Variants in ECE1 observed in about 807,000 individuals in gnomAD.
ECE1 encodes the protein endothelin converting enzyme 1.
ECE1 carries 35 observed loss-of-function variants against 98.6 expected under a neutral mutation model. The observed-to-expected ratio is 0.35, with a 90% CI of 0.27 to 0.47. The LOEUF (loss-of-function observed/expected upper bound fraction) is 0.47. Among genes scored for constraint, ECE1 ranks in the 20% least tolerant of loss-of-function variants. ECE1 has a pLI of 1.00. For missense variants in ECE1, 814 were observed against 1,025.3 expected (o/e 0.79, Z 2.81); for synonymous variants, 394 against 407.1 (o/e 0.97, Z 0.39).
At chr1:21,230,278 A>T (rs1221032320) in intron 14 of ECE1, among the ~76,000 whole-genome samples, 1 of 152,164 alleles carries the variant, frequency 6.6e-6, no homozygotes, top group East Asian at 1.9e-4. Flanking sequence ...TCACTTTTCG[A>T]GTTTTGGTGT....
Position 21,322,195 on chromosome 1 carries a change from A to G in ECE1, c.3+23181T>C, listed in dbSNP as rs181810253. On this transcript the variant is annotated intron_variant, in intron 1 of 18. Coordinates refer to the ECE1 transcript ENST00000415912. The surrounding 1 kb of genome is among the most constrained non-coding windows in gnomAD (Gnocchi z 4.1). ...ATGAAGAAACAGGGGCTCAGAAAGA[A>G]GTGGCAAGGCGGCTTCTCAGTGAGA... Among the ~76,000 whole-genome samples the G allele has an allele frequency of 7.9e-5, 12 of 152,302 alleles. No homozygotes were observed. The East Asian group carries it at 2.3e-3, about 29-fold the overall frequency.
At chr1:21,325,721 T>G (rs1569763899) in intron 1 of ECE1, among the ~76,000 whole-genome samples, 1 of 152,234 alleles carries the variant, frequency 6.6e-6, no homozygotes. Context: ...CATTCATTGC[T>G]CAGCACACAG....
At position 21,319,123 on chromosome 1, in the gene ECE1, T is replaced by C. The variant is rs990468728; in HGVS notation, c.3+26253A>G. 1.3e-5 allele frequency among the ~76,000 whole-genome samples: 2 copies of C among 152,234 alleles called. No homozygotes were observed. The highest frequency in any genetic ancestry group is 6.5e-5 in the Admixed American group (1 of 15,286). On this transcript the variant is annotated intron_variant, in intron 1 of 18. Coordinates refer to the ECE1 transcript ENST00000415912. This position sits in a 1 kb window ranked among gnomAD's most constrained non-coding sequence, Gnocchi z 4.4. ...ACTTTGGGAAGCCAAGGTGGGTGGA[T>C]TGCCTGAGCTTAGGAGTTCGAGACC... is the stretch of plus-strand genomic sequence containing the variant.
chr1:21,273,338 CGTGTGTGCGTGTGTGT>C lies in ECE1; in HGVS notation c.281-443_281-428del, dbSNP rs1160627497. On this transcript the variant is annotated intron_variant, in intron 3 of 18. Transcript: ENST00000374893. ...ACCTGCGTGAAAGTGTGTGCCCGTG[CGTGTGTGCGTGTGTGT>C]GTGTGTGTGTGTGTGTGTGTGTGTG... Among the ~76,000 whole-genome samples, 1,103 of 122,334 alleles carry C rather than the reference CGTGTGTGCGTGTGTGT, an allele frequency of 9.0e-3. 9 individuals carry two copies. Among genetic ancestry groups the C allele is most frequent in the Middle Eastern group, 0.03 (7 of 234 alleles). The allele number at this position is 122,334 out of a possible 152,430, so 80.3% of individuals were successfully genotyped here. A position where few individuals can be genotyped will look rare whatever the true frequency, so the allele number is the denominator to read the frequency against.
At chr1:21,261,725 G>A (rs1053019410) in intron 4 of ECE1, among the ~76,000 whole-genome samples, 1 of 152,184 alleles carries the variant, frequency 6.6e-6, no homozygotes, top group Non-Finnish European at 1.5e-5. Context: ...TATGAACAAC[G>A]CACGTGGCTA....
intron 1 of ECE1, chr1:21,299,226 T>G: frequency 4.8e-6 from 1 of 208,752 alleles, no homozygotes. Context: ...AGTGGGTGGG[T>G]GAGGGCTGGG....
In ECE1 at chr1:21,256,070, G is replaced by A. The variant is rs1573973928; in HGVS notation, c.897C>T (p.Ala299=). ...GKLLGGGDEE[A]IRPQMQQILD... is the part of the protein sequence containing the mutation. ...AGATCTGCTGCATCTGGGGCCGGATGGCCTCCTCGTCCCCGCCGCCCAGCA... is the reference window on the plus strand; with the variant it reads ...AGATCTGCTGCATCTGGGGCCGGATAGCCTCCTCGTCCCCGCCGCCCAGCA... The change falls in exon 8 of 19, where the codon GCC becomes GCT. Residue 299 remains alanine (A), a synonymous_variant. Coordinates refer to ENST00000374893, the MANE Select transcript of ECE1 (RefSeq NM_001397.3). 1 of 1,611,398 alleles carries A rather than the reference G, an allele frequency of 6.2e-7. No individual in the cohort carries two copies. The highest frequency in any genetic ancestry group is 2.2e-5 in the East Asian group (1 of 44,794).
intron 4 of ECE1, among the ~76,000 whole-genome samples, chr1:21,267,448 G>C (rs192438608): frequency 0.02 from 3,039 of 152,278 alleles, 47 homozygotes; most frequent in South Asian, 0.037. Context: ...CTGTGCAGGA[G>C]AACTCCCATT....
At chr1:21,254,905 G>A (rs1011783022) in intron 8 of ECE1, among the ~76,000 whole-genome samples, 9 of 152,192 alleles carry the variant, frequency 5.9e-5, no homozygotes, top group Non-Finnish European at 1.0e-4. Context: ...GGGACACCCA[G>A]TTGGCCTGGA....
At chr1:21,226,749 G>A (rs2098174757) in intron 16 of ECE1, among the ~76,000 whole-genome samples, 1 of 152,012 alleles carries the variant, frequency 6.6e-6, no homozygotes, top group Admixed American at 6.6e-5. Flanking sequence ...TTTTTGAGAT[G>A]GAGTCTCGCT....
chr1:21,326,749 C>G (rs1639087115), intron 1 of ECE1, among the ~76,000 whole-genome samples: 1 of 152,084 alleles, frequency 6.6e-6, no homozygotes, highest in Admixed American at 6.5e-5. Flanking sequence ...GGGAAGAAAA[C>G]AGAAATCCTA....
intron 1 of ECE1, among the ~76,000 whole-genome samples, chr1:21,302,067 C>T (rs777506227): frequency 7.9e-5 from 12 of 152,156 alleles, no homozygotes; most frequent in Non-Finnish European, 1.6e-4. Flanking sequence ...GGCCCAAGTG[C>T]GGCCCAAAAC....
intron 1 of ECE1, among the ~76,000 whole-genome samples, chr1:21,329,448 G>C (rs1018491795): frequency 2.6e-5 from 4 of 152,182 alleles, no homozygotes; most frequent in African/African-American, 9.7e-5. Context: ...TACAGGCCTT[G>C]CAGTTAGATT....
intron 4 of ECE1, among the ~76,000 whole-genome samples, chr1:21,261,318 G>A (rs934085710): frequency 6.6e-6 from 1 of 152,014 alleles, no homozygotes; most frequent in Admixed American, 6.6e-5. Context: ...CTCCTTCAAA[G>A]ATCCCTCAAA....
chr1:21,273,067 T>C, intron 3 of ECE1, among the ~76,000 whole-genome samples, 156 bp from the exon 4 acceptor site: 1 of 152,224 alleles, frequency 6.6e-6, no homozygotes, highest in East Asian at 1.9e-4. Flanking sequence ...TACAGAGAAA[T>C]GATTTCCGCT....
In ECE1 at chr1:21,235,322, A is replaced by T. The variant is rs1384987881; in HGVS notation, c.1566+528T>A. ...TTGCCCAAACCAAGCTTAAAAATGC[A>T]CCTGGATTTAAGCTGCTTCTTTCCC... On this transcript the variant is annotated intron_variant, in intron 13 of 18. Transcript: ENST00000374893. This position sits in a 1 kb window ranked among gnomAD's most constrained non-coding sequence, Gnocchi z 4.2. Among the ~76,000 whole-genome samples the T allele has an allele frequency of 6.6e-6, 1 of 152,212 alleles. No homozygotes were observed. Among genetic ancestry groups the T allele is most frequent in the African/African-American group, 2.4e-5 (1 of 41,460 alleles).
intron 10 of ECE1, among the ~76,000 whole-genome samples, chr1:21,244,517 T>C (rs2098200646): frequency 6.6e-6 from 1 of 152,000 alleles, no homozygotes; most frequent in African/African-American, 2.4e-5. Context: ...CCTGAAGCCT[T>C]TGGAAGAATG....
intron 8 of ECE1, among the ~76,000 whole-genome samples, chr1:21,247,697 G>T (rs557147167): frequency 6.6e-6 from 1 of 152,194 alleles, no homozygotes. Context: ...GTCCTCACGC[G>T]AGTCCAAGCA....
intron 8 of ECE1, 144 bp from the exon 9 acceptor site, chr1:21,247,507 G>T: frequency 8.2e-7 from 1 of 1,215,816 alleles, no homozygotes; most frequent in Non-Finnish European, 1.2e-6. Flanking sequence ...GTCAAGCGGA[G>T]CCTGGCGGGC....
Sources: gnomAD v4.1 joint callset for allele counts (sites outside exome capture counted in the v4.1 genomes callset) on GRCh38, gnomAD v4.1.1 for gene constraint, Gnocchi (gnomAD v3.1) non-coding constraint, MANE v1.5 for transcripts, NCBI Gene and HGNC (gene_info 2026-07-23, HGNC 2026-07-21) for gene names.